Variants in EXOC6B observed in about 807,000 individuals in gnomAD.
The protein encoded by EXOC6B is SEC15 homolog B.
EXOC6B carries 54 observed loss-of-function variants against 113.5 expected under a neutral mutation model. The observed-to-expected ratio is 0.48, with a 90% CI of 0.38 to 0.60. EXOC6B has a LOEUF of 0.60. EXOC6B is among the 20% of genes least tolerant of loss of function. EXOC6B has a pLI of 0.00. For synonymous variants in EXOC6B, 357 were observed against 339.0 expected (o/e 1.05, Z -0.58); for missense variants, 797 against 977.5 (o/e 0.82, Z 2.46).
chr2:72,364,876 A>C (rs919590329), intron 19 of EXOC6B, among the ~76,000 whole-genome samples: 1 of 152,118 alleles, frequency 6.6e-6, no homozygotes, highest in African/African-American at 2.4e-5. Flanking sequence ...CCTACACCAA[A>C]GCCCTTTCCT....
intron 18 of EXOC6B, among the ~76,000 whole-genome samples, chr2:72,404,923 A>G (rs889739506): frequency 6.6e-6 from 1 of 152,180 alleles, no homozygotes; most frequent in African/African-American, 2.4e-5. Flanking sequence ...CTAAAGGAGG[A>G]AGTTTCAACC....
chr2:72,688,591 A>G (rs543655603), intron 6 of EXOC6B, among the ~76,000 whole-genome samples: 1 of 152,196 alleles, frequency 6.6e-6, no homozygotes, highest in Admixed American at 6.5e-5. Context: ...TTAATTCCCC[A>G]TTTCTGGCTT....
At chr2:72,762,823 C>T (rs1682822414) in intron 1 of EXOC6B, among the ~76,000 whole-genome samples, 1 of 151,272 alleles carries the variant, frequency 6.6e-6, no homozygotes, top group Non-Finnish European at 1.5e-5. Context: ...TTGTTCAAAG[C>T]AAAAATAATG....
chr2:72,362,643 A>T (rs1690388548), intron 19 of EXOC6B, among the ~76,000 whole-genome samples: 1 of 152,156 alleles, frequency 6.6e-6, no homozygotes, highest in African/African-American at 2.4e-5. Flanking sequence ...GGCTTGAATT[A>T]TCATACAAAT....
chr2:72,327,605 T>C (rs566518855), intron 20 of EXOC6B, among the ~76,000 whole-genome samples: 139 of 152,236 alleles, frequency 9.1e-4, no homozygotes, highest in African/African-American at 3.2e-3. Context: ...CATGATTTTC[T>C]ATACCAAAGA....
At chr2:72,357,879 T>G (rs980813084) in intron 19 of EXOC6B, among the ~76,000 whole-genome samples, 17 of 152,176 alleles carry the variant, frequency 1.1e-4, no homozygotes, top group Admixed American at 2.0e-4. Context: ...AGCCTGGGTA[T>G]GTAGCAGGCT....
At chr2:72,544,379 A>G (rs568202367) in intron 8 of EXOC6B, among the ~76,000 whole-genome samples, 1 of 152,208 alleles carries the variant, frequency 6.6e-6, no homozygotes, top group Admixed American at 6.5e-5. Context: ...AGAAAAACGT[A>G]TATGTTTCAA....
At chr2:72,209,223 C>CAAAAAAAAAAAAAAAAAAAAA (rs1170760516) in intron 20 of EXOC6B, among the ~76,000 whole-genome samples, 6 of 57,098 alleles carry the variant, frequency 1.1e-4, no homozygotes, top group Non-Finnish European at 1.3e-4. Flanking sequence ...AACTCAGTCT[C>CAAAAAAAAAAAAAAAAAAAAA]AAAAAAAAAA....
At chr2:72,807,332 G>T (rs987969354) in intron 1 of EXOC6B, among the ~76,000 whole-genome samples, 1 of 152,104 alleles carries the variant, frequency 6.6e-6, no homozygotes, top group African/African-American at 2.4e-5. Flanking sequence ...GATGGTTGTA[G>T]GTGTGTGACT....
intron 1 of EXOC6B, among the ~76,000 whole-genome samples, chr2:72,796,761 T>C (rs1239288270): frequency 6.6e-6 from 1 of 152,146 alleles, no homozygotes; most frequent in African/African-American, 2.4e-5. Context: ...CGACCCATGT[T>C]ACTCAACATA....
At chr2:72,391,427 T>A (rs905583835) in intron 18 of EXOC6B, among the ~76,000 whole-genome samples, 8 of 152,242 alleles carry the variant, frequency 5.3e-5, no homozygotes, top group African/African-American at 1.7e-4. Flanking sequence ...CTTACTGTTT[T>A]TCCCATGAAT....
intron 19 of EXOC6B, among the ~76,000 whole-genome samples, chr2:72,365,030 A>C (rs980913515): frequency 2.0e-5 from 3 of 152,182 alleles, no homozygotes; most frequent in African/African-American, 7.2e-5. Flanking sequence ...TGGTTAAGAC[A>C]GAGGAATGTG....
intron 20 of EXOC6B, among the ~76,000 whole-genome samples, chr2:72,318,064 T>C (rs1687627725): frequency 1.3e-5 from 2 of 152,220 alleles, no homozygotes; most frequent in Non-Finnish European, 1.5e-5. Flanking sequence ...TAGAAGGCTC[T>C]TTTCTGTAGT....
chr2:72,629,046 C>A (rs1023042354), intron 6 of EXOC6B, among the ~76,000 whole-genome samples: 4 of 152,088 alleles, frequency 2.6e-5, no homozygotes, highest in African/African-American at 9.7e-5. Flanking sequence ...AATATGAAGC[C>A]ATTTTGATGG....
intron 18 of EXOC6B, among the ~76,000 whole-genome samples, chr2:72,389,305 T>C (rs770559887): frequency 6.6e-6 from 1 of 151,934 alleles, no homozygotes; most frequent in Non-Finnish European, 1.5e-5. Context: ...ATTACACAAT[T>C]CCATATATAA....
At chr2:72,247,266 A>G (rs999486272) in intron 20 of EXOC6B, among the ~76,000 whole-genome samples, 1 of 152,222 alleles carries the variant, frequency 6.6e-6, no homozygotes, top group African/African-American at 2.4e-5. Flanking sequence ...AAGGCAAGAC[A>G]TGGGCAGACC....
At chr2:72,558,088 A>G (rs1703666075) in intron 8 of EXOC6B, among the ~76,000 whole-genome samples, 1 of 152,134 alleles carries the variant, frequency 6.6e-6, no homozygotes, top group African/African-American at 2.4e-5. Context: ...GCAATATTAA[A>G]TTCAATTCTA....
At chr2:72,503,392 T>C (rs1233060505) in intron 11 of EXOC6B, among the ~76,000 whole-genome samples, 1 of 152,224 alleles carries the variant, frequency 6.6e-6, no homozygotes, top group Non-Finnish European at 1.5e-5. Context: ...GGGATAGTTT[T>C]CTTGTCTCCA....
intron 1 of EXOC6B, among the ~76,000 whole-genome samples, chr2:72,789,896 C>T (rs914979746): frequency 3.3e-5 from 5 of 152,246 alleles, no homozygotes; most frequent in African/African-American, 1.2e-4. Context: ...TAGCCTAACA[C>T]TCCCAGAGTT....
Sources: allele counts gnomAD v4.1 joint callset (sites outside exome capture counted in the v4.1 genomes callset), GRCh38; gene constraint gnomAD v4.1.1; transcripts MANE v1.5; gene names NCBI Gene and HGNC (gene_info 2026-07-23, HGNC 2026-07-21).